The following ZNF451 variants were observed in gnomAD, a reference collection of about 807,000 sequenced individuals.
The protein encoded by ZNF451 is zinc finger protein 451.
A neutral mutation model predicts 107.1 loss-of-function variants in ZNF451; 80 were observed. The ratio of observed to expected loss-of-function variants is 0.75; its 90% CI spans 0.62 to 0.90. The LOEUF (loss-of-function observed/expected upper bound fraction) is 0.90, where lower values mean the gene tolerates loss of function less well. Among genes scored for constraint, ZNF451 ranks in the 40% least tolerant of loss-of-function variants. The pLI is 0.00. For synonymous variants in ZNF451, 362 were observed against 406.5 expected, an observed-to-expected ratio of 0.89 and a Z score of 1.32; for missense variants, 1,107 against 1,236.2, an observed-to-expected ratio of 0.90 and a Z score of 1.57.
intron 3 of ZNF451, chr6:57,104,333 A>G: frequency 6.1e-6 from 6 of 985,402 alleles, no homozygotes; most frequent in Non-Finnish European, 7.2e-6. Context: ...TGGAGAACTC[A>G]GTGGTGAGAG....
intron 2 of ZNF451, among the ~76,000 whole-genome samples, chr6:57,092,259 G>T (rs572127378): frequency 2.7e-4 from 41 of 152,170 alleles, no homozygotes; most frequent in Non-Finnish European, 4.6e-4. Flanking sequence ...AATGTTTTGT[G>T]TAATGAATTA....
chr6:57,151,157 C>A (rs768940508), intron 11 of ZNF451: 1 of 209,666 alleles, frequency 4.8e-6, no homozygotes, highest in African/African-American at 2.3e-5. Context: ...GTCAGAAGAT[C>A]GAGACCATCC....
At chr6:57,120,824 C>T (rs1830603897) in intron 3 of ZNF451, among the ~76,000 whole-genome samples, 1 of 152,120 alleles carries the variant, frequency 6.6e-6, no homozygotes, top group Admixed American at 6.6e-5. Flanking sequence ...ACATATTCTC[C>T]CAGTCTGTGG....
chr6:57,143,363 C>A (rs992444511), intron 9 of ZNF451, among the ~76,000 whole-genome samples: 5 of 152,058 alleles, frequency 3.3e-5, no homozygotes, highest in Admixed American at 2.6e-4. Flanking sequence ...TAATCTATTT[C>A]AAATTTTTGT....
At chr6:57,101,661 T>G in intron 3 of ZNF451, 1 of 1,550,720 alleles carries the variant, frequency 6.4e-7, no homozygotes, top group Non-Finnish European at 8.7e-7. Flanking sequence ...ACCCAGAATT[T>G]GATCGTGGAA....
At chr6:57,101,488 G>A (rs1333837298) in intron 3 of ZNF451, 37 of 1,550,960 alleles carry the variant, frequency 2.4e-5, no homozygotes, top group Non-Finnish European at 3.0e-5. Context: ...CAGCAAAAGA[G>A]GAAACACAAC....
Position 57,128,653 on chromosome 6 carries a change from C to G in ZNF451, c.313-76C>G, listed in dbSNP as rs1341013463. Reference sequence around the variant, plus strand: ...TAAAAAGTAATCAGTATTTTCTGATCACTAATGTGTCAAAATCCTTTTCTC... The same window carrying G: ...TAAAAAGTAATCAGTATTTTCTGATGACTAATGTGTCAAAATCCTTTTCTC... On this transcript the variant is annotated intron_variant, in intron 4 of 14. Coordinates refer to ENST00000370706, the MANE Select transcript of ZNF451 (RefSeq NM_001031623.3). The G allele has an allele frequency of 6.7e-6, 6 of 892,924 alleles. No homozygotes were observed. The East Asian group carries it at 7.5e-5, about 11-fold the overall frequency. 55.3% of individuals were successfully genotyped at this position (892,924 alleles called of 1,614,324 possible). A position where few individuals can be genotyped will look rare whatever the true frequency, so the allele number is the denominator to read the frequency against.
chr6:57,122,515 TAAATG>T (rs1263455669), intron 3 of ZNF451, among the ~76,000 whole-genome samples: 4 of 152,184 alleles, frequency 2.6e-5, no homozygotes, highest in South Asian at 4.1e-4. Context: ...TATAAGGACT[TAAATG>T]AATCAACAAG....
intron 14 of ZNF451, among the ~76,000 whole-genome samples, chr6:57,167,053 A>G (rs1247259002): frequency 6.6e-6 from 1 of 152,062 alleles, no homozygotes; most frequent in African/African-American, 2.4e-5. Flanking sequence ...TTGATTTATG[A>G]TTTTTTTACT....
At chr6:57,159,343 A>G (rs1015696148) in intron 13 of ZNF451, 5 of 985,418 alleles carry the variant, frequency 5.1e-6, no homozygotes, top group Non-Finnish European at 6.0e-6. Context: ...GAGTTATAAC[A>G]TGCTGCTTTT....
intron 3 of ZNF451, among the ~76,000 whole-genome samples, chr6:57,111,274 TC>T (rs1830097947): frequency 1.3e-5 from 2 of 151,868 alleles, no homozygotes; most frequent in South Asian, 4.1e-4. Flanking sequence ...TTTTTTTTTT[TC>T]CTTCTGTGCC....
At chr6:57,106,073 A>G (rs933941218) in intron 3 of ZNF451, 1 of 985,346 alleles carries the variant, frequency 1.0e-6, no homozygotes, top group South Asian at 4.7e-5. Context: ...GACCTGATTG[A>G]TAATGTCCTT....
At position 57,142,106 on chromosome 6, in the gene ZNF451, G is replaced by A. The variant is rs1167934774; in HGVS notation, c.1004+11G>A. 6.3e-7 allele frequency: 1 copy of A among 1,595,242 alleles called. No individual in the cohort carries two copies. The highest frequency in any genetic ancestry group is 1.1e-5 in the South Asian group (1 of 89,730). The stretch of plus-strand genomic sequence containing the variant: ...CACTGCCCATTTCAGGTTTGTATTG[G>A]TCTGGAGCTGTAAAGGAATACGGAT... On this transcript the variant is annotated intron_variant, in intron 9 of 14. Transcript: ENST00000370706.
intron 4 of ZNF451, 67 bp from the exon 5 acceptor site, chr6:57,128,662 G>A: frequency 9.5e-7 from 1 of 1,047,612 alleles, no homozygotes; most frequent in African/African-American, 1.6e-5. Context: ...TCACTAATGT[G>A]TCAAAATCCT....
chr6:57,147,316 C>A lies in ZNF451; in HGVS notation c.1231C>A (p.Pro411Thr), dbSNP rs147182324. ...CCACAGCAGCGAAGGGAACAAGGAT[C>A]CTTCTTCTGACTTGCATTTATTGTT... The part of the protein sequence containing the change: ...YCHSSEGNKD[P>T]SSDLHLLLDQ... The change falls in exon 10 of 15, where the codon CCT (proline) becomes ACT (threonine). Residue 411 changes from proline to threonine, a missense_variant. Physicochemically the swap from Pro to Thr is conservative, Grantham distance 38 (BLOSUM62 -1). Around this residue, in one of 5 missense-constraint regions of ZNF451, gnomAD observed 608 missense variants for 649.2 expected, o/e 0.94. Transcript: ENST00000370706. 3.1e-6 allele frequency: 5 copies of A among 1,613,994 alleles called. No individual in the cohort carries two copies. The African/African-American group carries it at 6.7e-5, about 22-fold the overall frequency.
At chr6:57,158,245 C>T (rs1306145536) in intron 13 of ZNF451, among the ~76,000 whole-genome samples, 1 of 152,102 alleles carries the variant, frequency 6.6e-6, no homozygotes, top group Non-Finnish European at 1.5e-5. Context: ...TTAACCATGT[C>T]CTTGAAGAAT....
intron 2 of ZNF451, among the ~76,000 whole-genome samples, chr6:57,096,951 G>T (rs1288437868): frequency 6.6e-6 from 1 of 151,318 alleles, no homozygotes; most frequent in Non-Finnish European, 1.5e-5. Flanking sequence ...CCTATTTTTA[G>T]TGGAGACAGG....
chr6:57,145,814 C>G (rs552637264), intron 9 of ZNF451, among the ~76,000 whole-genome samples: 1 of 152,194 alleles, frequency 6.6e-6, no homozygotes, highest in African/African-American at 2.4e-5. Context: ...AAGGTAGATA[C>G]CAGTAGTGGG....
intron 3 of ZNF451, chr6:57,124,473 A>G (rs1231722990): frequency 2.8e-6 from 2 of 716,826 alleles, no homozygotes; most frequent in Admixed American, 4.0e-5. Flanking sequence ...GACAGATCTG[A>G]GAAGAGTTTA....
Sources: gnomAD v4.1 joint callset for allele counts (sites outside exome capture counted in the v4.1 genomes callset) on GRCh38, gnomAD v4.1.1 for gene constraint, gnomAD v4.1.1 regional missense constraint, MANE v1.5 for transcripts, NCBI Gene and HGNC (gene_info 2026-07-23, HGNC 2026-07-21) for gene names.